INPP5D: variants seen among roughly 807,000 people sequenced by gnomAD.
INPP5D encodes phosphatidylinositol 3,4,5-trisphosphate 5-phosphatase 1.
INPP5D carries 33 observed loss-of-function variants against 122.9 expected under a neutral mutation model. The observed-to-expected ratio is 0.27, with a 90% confidence interval of 0.20 to 0.36. INPP5D has a LOEUF of 0.36. Ranked by LOEUF, INPP5D falls within the 10% of genes least tolerant of loss-of-function variation. INPP5D has a pLI of 1.00. For missense variants in INPP5D, 1,053 were observed against 1,412.7 expected (o/e 0.75, Z 4.08); for synonymous variants, 584 against 576.2 (o/e 1.01, Z -0.19).
intron 26 of INPP5D, chr2:233,205,446 G>C (rs28505715): frequency 0.19 from 28,781 of 148,602 alleles, 2,890 homozygotes; most frequent in Non-Finnish European, 0.21. Context: ...ACTGCAACCT[G>C]CGCCTCCTGG....
intron 2 of INPP5D, among the ~76,000 whole-genome samples, chr2:233,111,883 A>C (rs13404184): frequency 0.33 from 49,676 of 151,822 alleles, 11,967 homozygotes; most frequent in African/African-American, 0.68. Context: ...CAACATGGCA[A>C]AATTCCGCCT....
intron 10 of INPP5D, among the ~76,000 whole-genome samples, chr2:233,159,499 A>T (rs1559325510): frequency 6.6e-6 from 1 of 151,138 alleles, no homozygotes; most frequent in East Asian, 1.9e-4. Flanking sequence ...AGAGTTCGAG[A>T]CTAGCCTGTG....
In INPP5D at chr2:233,177,596, C is replaced by T. The variant is rs568484082; in HGVS notation, c.2071+250C>T. Among the ~76,000 whole-genome samples the T allele has an allele frequency of 8.6e-4, 131 of 152,242 alleles. 1 individual carries two copies. Among genetic ancestry groups the T allele is most frequent in the African/African-American group, 2.7e-3 (113 of 41,542 alleles). On this transcript the variant is annotated intron_variant, in intron 18 of 26. Transcript: ENST00000445964. This position sits in a 1 kb window ranked among gnomAD's most constrained non-coding sequence, Gnocchi z 4.2. ...ACTTTTTTTCTTTTTCTTTTTGAGA[C>T]GGAGTCTCACTCTGTCACCCAGGCT...
chr2:233,065,390 C>T (rs561941230), intron 1 of INPP5D, among the ~76,000 whole-genome samples: 1 of 149,164 alleles, frequency 6.7e-6, no homozygotes, highest in African/African-American at 2.5e-5. Context: ...TCACTGCAAC[C>T]TCCGCCTCCC....
intron 5 of INPP5D, among the ~76,000 whole-genome samples, chr2:233,137,893 TATATAC>T (rs1317834128): frequency 3.4e-5 from 2 of 58,544 alleles, no homozygotes; most frequent in Admixed American, 2.2e-4. Context: ...TATATATATA[TATATAC>T]ACACACACAC....
intron 2 of INPP5D, among the ~76,000 whole-genome samples, chr2:233,095,505 C>T (rs1204963417): frequency 1.3e-5 from 2 of 151,478 alleles, no homozygotes; most frequent in Non-Finnish European, 2.9e-5. Context: ...CACCTGTAAT[C>T]CCAGCTACTT....
chr2:233,068,245 C>G (rs1319448653), intron 1 of INPP5D, among the ~76,000 whole-genome samples: 3 of 145,654 alleles, frequency 2.1e-5, no homozygotes, highest in Non-Finnish European at 3.0e-5. Context: ...AGATGGCACC[C>G]TTGCACTCCA....
chr2:233,194,753 C>T (rs1022012385), intron 23 of INPP5D, among the ~76,000 whole-genome samples: 39 of 151,974 alleles, frequency 2.6e-4, no homozygotes, highest in African/African-American at 9.4e-4. Flanking sequence ...CTGTCTCCGC[C>T]TCCTGAAGTG....
At chr2:233,085,291 T>G (rs56404114) in intron 2 of INPP5D, among the ~76,000 whole-genome samples, 3 of 151,160 alleles carry the variant, frequency 2.0e-5, no homozygotes, top group African/African-American at 7.3e-5. Flanking sequence ...GAGGCTGAGG[T>G]GGGAGGATCG....
At chr2:233,110,009 C>T (rs1015411510) in intron 2 of INPP5D, among the ~76,000 whole-genome samples, 5 of 151,982 alleles carry the variant, frequency 3.3e-5, no homozygotes, top group African/African-American at 1.2e-4. Flanking sequence ...TTCAGCCTCC[C>T]AAGTAGCTGA....
intron 1 of INPP5D, among the ~76,000 whole-genome samples, chr2:233,072,176 G>A (rs1406970916): frequency 6.6e-6 from 1 of 152,182 alleles, no homozygotes; most frequent in Non-Finnish European, 1.5e-5. Context: ...AATTGTTGCT[G>A]TTTGTCATGT....
At chr2:233,176,196 A>G (rs1694620509) in intron 17 of INPP5D, among the ~76,000 whole-genome samples, 1 of 152,186 alleles carries the variant, frequency 6.6e-6, no homozygotes, top group Non-Finnish European at 1.5e-5. Context: ...CATCTTGCTC[A>G]TCATTGCAGC....
At chr2:233,092,297 T>G (rs1290362291) in intron 2 of INPP5D, among the ~76,000 whole-genome samples, 1 of 152,236 alleles carries the variant, frequency 6.6e-6, no homozygotes, top group Non-Finnish European at 1.5e-5. Context: ...CTGTCACTTC[T>G]GTCTTCCCCA....
chr2:233,159,284 G>T (rs1694136303), intron 10 of INPP5D, among the ~76,000 whole-genome samples: 2 of 152,156 alleles, frequency 1.3e-5, no homozygotes, highest in Non-Finnish European at 2.9e-5. Flanking sequence ...TTTGAACCAG[G>T]GCCAAAACCT....
At position 233,122,244 on chromosome 2, in the gene INPP5D, TGAG is replaced by T; in HGVS notation, c.342_344del (p.Glu114del). ...AGGAAGAGGACACAGGCGACGACCC[TGAG>T]GAGGACACAGGTAGGGAGGGAGGGA... On this transcript the variant is annotated inframe_deletion, in exon 3 of 27. Transcript: ENST00000445964. 6.2e-7 allele frequency: 1 copy of T among 1,613,584 alleles called. No homozygotes were observed. The highest frequency in any genetic ancestry group is 2.2e-5 in the East Asian group (1 of 44,884).
intron 2 of INPP5D, among the ~76,000 whole-genome samples, chr2:233,085,691 C>T (rs929616330): frequency 6.6e-6 from 1 of 152,116 alleles, no homozygotes; most frequent in Non-Finnish European, 1.5e-5. Context: ...GCCAAGCCTC[C>T]CCCCGTTTTC....
At chr2:233,165,084 G>A (rs1694293200) in intron 13 of INPP5D, among the ~76,000 whole-genome samples, 1 of 152,170 alleles carries the variant, frequency 6.6e-6, no homozygotes, top group South Asian at 2.1e-4. Context: ...CTGTGTGTTT[G>A]TGTAGGATGT....
At chr2:233,203,991 T>C in intron 25 of INPP5D, 135 bp from the exon 26 acceptor site, 1 of 1,346,126 alleles carries the variant, frequency 7.4e-7, no homozygotes, top group South Asian at 1.9e-5. Context: ...TCAGTAAATT[T>C]GCAATGTTAC....
intron 10 of INPP5D, 84 bp downstream of exon 10, chr2:233,158,503 G>T (rs1694115239): frequency 1.7e-6 from 1 of 605,460 alleles, no homozygotes; most frequent in Admixed American, 2.8e-5. Flanking sequence ...GCCAGGGAGT[G>T]TATCATTAGC....
Sources: allele counts gnomAD v4.1 joint callset (sites outside exome capture counted in the v4.1 genomes callset), GRCh38; gene constraint gnomAD v4.1.1; non-coding constraint Gnocchi (gnomAD v3.1); transcripts MANE v1.5; gene names NCBI Gene and HGNC (gene_info 2026-07-23, HGNC 2026-07-21).